Variants in UBE2U observed in about 807,000 individuals in gnomAD.
UBE2U encodes ubiquitin conjugating enzyme E2 U.
Under a neutral mutation model 41.2 loss-of-function variants are expected in UBE2U, and 39 were observed. That is an observed-to-expected ratio of 0.95 (90% CI 0.73 to 1.24). The LOEUF (loss-of-function observed/expected upper bound fraction) is 1.24. Among genes scored for constraint, UBE2U ranks in the 50% most tolerant of loss-of-function variants. The probability of loss-of-function intolerance (pLI) is 0.00; values close to 1 mark genes in which losing one functional copy is unlikely to be tolerated. For synonymous variants in UBE2U, 107 were observed against 117.8 expected, an observed-to-expected ratio of 0.91 and a Z score of 0.60; for missense variants, 336 against 363.1, an observed-to-expected ratio of 0.93 and a Z score of 0.61.
chr1:64,243,302 T>G (rs1328159238), intron 8 of UBE2U, among the ~76,000 whole-genome samples: 5 of 152,338 alleles, frequency 3.3e-5, no homozygotes, highest in South Asian at 4.1e-4. Context: ...ATCTGCATTT[T>G]ATTGTGGCAT....
intron 7 of UBE2U, among the ~76,000 whole-genome samples, chr1:64,239,098 A>AAGAAGAAGAAGAAGAAGAAGAAGAAGAAG (rs1557729702): frequency 3.9e-4 from 10 of 25,946 alleles, no homozygotes; most frequent in African/African-American, 1.3e-3. Context: ...AAGAGGAAGA[A>AAGAAGAAGAAGAAGAAGAAGAAGAAGAAG]GAAGAAGAAG....
At chr1:64,262,145 T>G (rs1187701938) in intron 9 of UBE2U, among the ~76,000 whole-genome samples, 1 of 152,162 alleles carries the variant, frequency 6.6e-6, no homozygotes, top group Non-Finnish European at 1.5e-5. Context: ...TAAATGCTCT[T>G]CTCTCCCCTT....
intron 9 of UBE2U, among the ~76,000 whole-genome samples, chr1:64,265,797 C>T (rs1056326378): frequency 2.6e-5 from 4 of 152,144 alleles, no homozygotes; most frequent in Non-Finnish European, 4.4e-5. Flanking sequence ...AGGCTGGTCT[C>T]GAACCCGTGA....
chr1:64,253,344 G>T (rs1321712570), intron 8 of UBE2U, among the ~76,000 whole-genome samples: 1 of 152,154 alleles, frequency 6.6e-6, no homozygotes, highest in Non-Finnish European at 1.5e-5. Context: ...ACATACTTCA[G>T]GATATCATCC....
intron 9 of UBE2U, among the ~76,000 whole-genome samples, chr1:64,264,524 A>C (rs563369397): frequency 5.8e-4 from 89 of 152,174 alleles, no homozygotes; most frequent in Non-Finnish European, 1.1e-3. Context: ...GTTTCTTTTT[A>C]TGCTTCCTGG....
intron 6 of UBE2U, among the ~76,000 whole-genome samples, chr1:64,224,935 TCACACACACACACACA>T (rs34259884): frequency 6.8e-6 from 1 of 146,840 alleles, no homozygotes; most frequent in East Asian, 2.0e-4. Context: ...TAGGATATTA[TCACACACACACACACA>T]CACACACACA....
At chr1:64,241,515 T>G (rs981387641) in intron 7 of UBE2U, 137 bp from the exon 8 acceptor site, 24 of 563,162 alleles carry the variant, frequency 4.3e-5, no homozygotes, top group South Asian at 2.2e-4. Context: ...CTAAGGATTG[T>G]AATATGACTT....
At chr1:64,209,289 G>A (rs955712343) in intron 3 of UBE2U, among the ~76,000 whole-genome samples, 1 of 152,070 alleles carries the variant, frequency 6.6e-6, no homozygotes, top group South Asian at 2.1e-4. Flanking sequence ...TCTCTAGGAG[G>A]GGGAAGGTAT....
At chr1:64,209,205 A>G (rs1651506301) in intron 3 of UBE2U, among the ~76,000 whole-genome samples, 1 of 152,190 alleles carries the variant, frequency 6.6e-6, no homozygotes, top group South Asian at 2.1e-4. Flanking sequence ...TATTGGATTA[A>G]ATTCAATGGG....
At chr1:64,238,719 C>A (rs1361449488) in intron 7 of UBE2U, among the ~76,000 whole-genome samples, 2 of 151,780 alleles carry the variant, frequency 1.3e-5, no homozygotes, top group African/African-American at 4.8e-5. Context: ...TGTCATCAAG[C>A]TAAAAGGGGT....
chr1:64,204,037 C>T lies in UBE2U; in HGVS notation c.-14C>T. 6.2e-7 allele frequency: 1 copy of T among 1,612,932 alleles called. No homozygotes were observed. The highest frequency in any genetic ancestry group is 8.5e-7 in the Non-Finnish European group (1 of 1,179,406). ...GGCATTTGGGGACAAGTGTCAGACC[C>T]TCCGCTGCCTATCATGCACGGCAGA... On this transcript the variant is annotated 5_prime_UTR_variant, in exon 1 of 10. Transcript: ENST00000371077.
rs189462710 is a variant in UBE2U at position 64,224,710 on chromosome 1, G to A, written c.506+3803G>A. On this transcript the variant is annotated intron_variant, in intron 6 of 9. Transcript: ENST00000371077. ...TGCACTCCAGCCTGGGCAACAGAGCGAGACTCTGTGTCAAAAAAAAAAAAA... is the reference window on the plus strand; with the variant it reads ...TGCACTCCAGCCTGGGCAACAGAGCAAGACTCTGTGTCAAAAAAAAAAAAA... Among the ~76,000 whole-genome samples, 196 of 145,420 alleles carry A rather than the reference G, an allele frequency of 1.3e-3. 1 individual carries two copies. The highest frequency in any genetic ancestry group is 4.4e-3 in the African/African-American group (174 of 39,948).
At chr1:64,218,122 G>A (rs960889044) in intron 5 of UBE2U, among the ~76,000 whole-genome samples, 4 of 152,048 alleles carry the variant, frequency 2.6e-5, no homozygotes, top group African/African-American at 7.2e-5. Context: ...TGTGGGTGTC[G>A]GGGGAACACA....
intron 4 of UBE2U, among the ~76,000 whole-genome samples, chr1:64,211,907 T>C (rs1651685440): frequency 6.6e-6 from 1 of 152,260 alleles, no homozygotes; most frequent in South Asian, 2.1e-4. Flanking sequence ...ACATTTTGAT[T>C]ATCTAGAATA....
intron 9 of UBE2U, among the ~76,000 whole-genome samples, chr1:64,266,147 C>T (rs995400869): frequency 1.3e-5 from 2 of 152,056 alleles, no homozygotes; most frequent in South Asian, 4.1e-4. Context: ...AAGCAAGGTC[C>T]CCATGCTGTG....
chr1:64,241,613 A>G, intron 7 of UBE2U, 39 bp from the exon 8 acceptor site: 2 of 1,419,122 alleles, frequency 1.4e-6, no homozygotes, highest in Non-Finnish European at 1.9e-6. Context: ...TTATTAAAGA[A>G]TGTATGTATA....
At chr1:64,250,167 A>G (rs1644983567) in intron 8 of UBE2U, among the ~76,000 whole-genome samples, 1 of 152,170 alleles carries the variant, frequency 6.6e-6, no homozygotes, top group African/African-American at 2.4e-5. Flanking sequence ...TTTTATAACC[A>G]GTGAAAAGCT....
chr1:64,239,108 GAA>G (rs1218099419), intron 7 of UBE2U, among the ~76,000 whole-genome samples: 1 of 28,432 alleles, frequency 3.5e-5, no homozygotes, highest in Non-Finnish European at 5.5e-5. Flanking sequence ...AGAAGAAGAA[GAA>G]GAAGAAGAAG....
rs1570083945 is a variant in UBE2U, at chr1:64,239,158, AAGAAGAAGAAGAAGAAGAAG to A, written c.596-2492_596-2473del. Among the ~76,000 whole-genome samples the A allele has an allele frequency of 4.6e-3, 57 of 12,470 alleles. 1 individual carries two copies. In the East Asian group the frequency reaches 0.052, roughly 11 times the overall value. The allele number at this position is 12,470 out of a possible 152,430, so 8.2% of individuals were successfully genotyped here. A position where few individuals can be genotyped will look rare whatever the true frequency, so the allele number is the denominator to read the frequency against. On this transcript the variant is annotated intron_variant, in intron 7 of 9. Transcript: ENST00000371077. ...AAGAAGAAGAAGAAGAAGAAGAAGAAAGAAGAAGAAGAAGAAGAAGAAGAAGAAGAAGAAAGCCCCAGACA... is the reference window on the plus strand; with the variant it reads ...AAGAAGAAGAAGAAGAAGAAGAAGAAAAGAAGAAGAAGAAAGCCCCAGACA...
Sources: gnomAD v4.1 joint callset for allele counts (sites outside exome capture counted in the v4.1 genomes callset) on GRCh38, gnomAD v4.1.1 for gene constraint, MANE v1.5 for transcripts, NCBI Gene and HGNC (gene_info 2026-07-23, HGNC 2026-07-21) for gene names.